TDRD3: variants seen among roughly 807,000 people sequenced by gnomAD.
The protein encoded by TDRD3 is tudor domain containing 3.
In TDRD3, 45 loss-of-function variants were observed where a neutral mutation model predicts 86.7. That is an observed-to-expected ratio of 0.52 (90% confidence interval 0.41 to 0.67). TDRD3 has a LOEUF of 0.67. Among genes scored for constraint, TDRD3 ranks in the 30% least tolerant of loss-of-function variants. The probability of loss-of-function intolerance (pLI) is 0.00; values close to 1 mark genes in which losing one functional copy is unlikely to be tolerated. For synonymous variants in TDRD3, 298 were observed against 301.7 expected (o/e 0.99, Z 0.13); for missense variants, 814 against 889.0 (o/e 0.92, Z 1.07).
At chr13:60,513,259 C>G (rs1389178951) in intron 10 of TDRD3, among the ~76,000 whole-genome samples, 1 of 152,208 alleles carries the variant, frequency 6.6e-6, no homozygotes, top group Non-Finnish European at 1.5e-5. Context: ...CTAGGCTGCA[C>G]ATAGCATGGG....
intron 12 of TDRD3, among the ~76,000 whole-genome samples, chr13:60,540,230 A>C (rs1009845979): frequency 6.6e-6 from 1 of 152,188 alleles, no homozygotes; most frequent in African/African-American, 2.4e-5. Context: ...TTTGCAATAT[A>C]AACAACAGTA....
At chr13:60,510,331 A>G (rs1449971980) in intron 9 of TDRD3, among the ~76,000 whole-genome samples, 1 of 152,176 alleles carries the variant, frequency 6.6e-6, no homozygotes, top group African/African-American at 2.4e-5. Flanking sequence ...ATGTGGTCCC[A>G]GTCCTATATT....
intron 5 of TDRD3, among the ~76,000 whole-genome samples, chr13:60,468,673 T>A (rs1956004290): frequency 6.6e-6 from 1 of 152,184 alleles, no homozygotes; most frequent in South Asian, 2.1e-4. Context: ...TACTTTATGA[T>A]TAGACAGATG....
chr13:60,462,849 G>A (rs780115358), intron 4 of TDRD3, among the ~76,000 whole-genome samples: 7 of 152,026 alleles, frequency 4.6e-5, no homozygotes, highest in Non-Finnish European at 8.8e-5. Flanking sequence ...GAGGTATCAC[G>A]TTACTTGATT....
Position 60,460,462 on chromosome 13 carries a change from C to G in TDRD3, c.275C>G (p.Pro92Arg). The G allele has an allele frequency of 6.3e-7, 1 of 1,597,406 alleles. No homozygotes were observed. Among genetic ancestry groups the G allele is most frequent in the Non-Finnish European group, 8.5e-7 (1 of 1,175,586 alleles). ...PKDNEESQAA[P>R]RMLRLQMTDG... ...GATAATGAAGAATCTCAGGCTGCACCAAGGATGCTGCGATTACAGATGACT... is the reference window on the plus strand; with the variant it reads ...GATAATGAAGAATCTCAGGCTGCACGAAGGATGCTGCGATTACAGATGACT... Residue 92 changes from proline (P) to arginine (R), a missense_variant, in exon 4 of 14, where the codon CCA becomes CGA. Coordinates refer to ENST00000377881, the MANE Select transcript of TDRD3 (RefSeq NM_001146070.2).
intron 1 of TDRD3, among the ~76,000 whole-genome samples, chr13:60,422,869 T>C (rs1459809295): frequency 1.3e-5 from 2 of 152,116 alleles, no homozygotes; most frequent in Admixed American, 6.5e-5. Context: ...ACCAAAACAA[T>C]TGAAAAGAGC....
intron 12 of TDRD3, among the ~76,000 whole-genome samples, chr13:60,566,379 T>C (rs1595130956): frequency 6.6e-6 from 1 of 152,270 alleles, no homozygotes; most frequent in Non-Finnish European, 1.5e-5. Flanking sequence ...ACCATCTTTG[T>C]TTCCATTAGG....
At chr13:60,491,114 CAAAAA>C (rs35355225) in intron 7 of TDRD3, among the ~76,000 whole-genome samples, 1 of 75,700 alleles carries the variant, frequency 1.3e-5, no homozygotes, top group Admixed American at 1.5e-4. Context: ...AACTCCATCT[CAAAAA>C]AAAAAAAAAA....
intron 5 of TDRD3, among the ~76,000 whole-genome samples, chr13:60,473,960 C>T (rs531231170): frequency 1.4e-4 from 21 of 152,256 alleles, no homozygotes; most frequent in African/African-American, 4.3e-4. Context: ...AGACTCTGCT[C>T]CACCACCTCT....
intron 12 of TDRD3, among the ~76,000 whole-genome samples, chr13:60,566,525 G>GA (rs1224311742): frequency 6.6e-6 from 1 of 152,038 alleles, no homozygotes; most frequent in East Asian, 1.9e-4. Context: ...GTAAGGAAGA[G>GA]AAAAAATAGG....
At chr13:60,453,799 A>G (rs1428889962) in intron 3 of TDRD3, among the ~76,000 whole-genome samples, 2 of 152,220 alleles carry the variant, frequency 1.3e-5, no homozygotes, top group African/African-American at 4.8e-5. Context: ...TTTCAGTAGA[A>G]TAAATTAAAA....
intron 2 of TDRD3, among the ~76,000 whole-genome samples, chr13:60,441,636 C>T (rs946738779): frequency 1.3e-5 from 2 of 151,966 alleles, no homozygotes; most frequent in Admixed American, 6.6e-5. Context: ...AAATTAACCA[C>T]GAGTTGAGAA....
At chr13:60,517,989 G>A (rs1160174379) in intron 10 of TDRD3, among the ~76,000 whole-genome samples, 1 of 152,186 alleles carries the variant, frequency 6.6e-6, no homozygotes, top group Non-Finnish European at 1.5e-5. Context: ...TTTCACTACA[G>A]TAAGTTTGAA....
intron 4 of TDRD3, among the ~76,000 whole-genome samples, chr13:60,465,097 G>A (rs547035994): frequency 1.3e-5 from 2 of 152,096 alleles, no homozygotes; most frequent in East Asian, 1.9e-4. Flanking sequence ...TAAAAATTTA[G>A]CCCCTAATTC....
chr13:60,470,771 CG>C, intron 5 of TDRD3, among the ~76,000 whole-genome samples: 1 of 151,710 alleles, frequency 6.6e-6, no homozygotes. Flanking sequence ...TTAGTAGAGA[CG>C]GGGTTTCACT....
At chr13:60,444,240 T>C (rs1318022659) in intron 2 of TDRD3, among the ~76,000 whole-genome samples, 1 of 151,958 alleles carries the variant, frequency 6.6e-6, no homozygotes, top group Non-Finnish European at 1.5e-5. Context: ...AGCTTTATGT[T>C]ACAGATATCA....
chr13:60,436,174 A>G (rs550057868), intron 1 of TDRD3, among the ~76,000 whole-genome samples: 2 of 145,642 alleles, frequency 1.4e-5, no homozygotes, highest in Non-Finnish European at 3.0e-5. Context: ...TCCTTTTTGC[A>G]TAGTTTGCAA....
chr13:60,479,783 G>T (rs1956272086), intron 5 of TDRD3, among the ~76,000 whole-genome samples: 1 of 152,050 alleles, frequency 6.6e-6, no homozygotes, highest in Non-Finnish European at 1.5e-5. Flanking sequence ...ATTGTTGTTG[G>T]TTTAAAGTCT....
chr13:60,430,575 T>C (rs970140740), intron 1 of TDRD3, among the ~76,000 whole-genome samples: 7 of 152,130 alleles, frequency 4.6e-5, no homozygotes, highest in African/African-American at 1.7e-4. Context: ...AGTAAAAATA[T>C]CTAGGCCTTC....
Sources: allele counts gnomAD v4.1 joint callset (sites outside exome capture counted in the v4.1 genomes callset), GRCh38; gene constraint gnomAD v4.1.1; transcripts MANE v1.5; gene names NCBI Gene and HGNC (gene_info 2026-07-23, HGNC 2026-07-21).